Variants in ASIC2 observed in about 807,000 individuals in gnomAD.
ASIC2 encodes the protein acid-sensing ion channel 2.
A neutral mutation model predicts 57.3 loss-of-function variants in ASIC2; 25 were observed. That is an observed-to-expected ratio of 0.44 (90% CI 0.32 to 0.61). ASIC2 has a LOEUF of 0.61. ASIC2 is among the 20% of genes least tolerant of loss of function. The pLI, the probability that ASIC2 is intolerant of heterozygous loss-of-function variation, is 0.06. For synonymous variants in ASIC2, 319 were observed against 307.5 expected (o/e 1.04, Z -0.39); for missense variants, 641 against 738.1 (o/e 0.87, Z 1.52).
At chr17:34,070,202 T>G (rs923336830) in intron 1 of ASIC2, 2 of 152,092 alleles carry the variant, frequency 1.3e-5, no homozygotes, top group Admixed American at 1.3e-4. Flanking sequence ...CGAACAAGTT[T>G]TGCCTTCAAA....
chr17:33,308,889 G>T (rs745683975), intron 1 of ASIC2, among the ~76,000 whole-genome samples: 4 of 152,082 alleles, frequency 2.6e-5, no homozygotes, highest in Non-Finnish European at 5.9e-5. Flanking sequence ...GATAACTATC[G>T]ATCTCCTTTG....
At chr17:33,559,078 G>A (rs746670612) in intron 1 of ASIC2, among the ~76,000 whole-genome samples, 1 of 152,084 alleles carries the variant, frequency 6.6e-6, no homozygotes, top group Non-Finnish European at 1.5e-5. Flanking sequence ...TTATTCTTAA[G>A]GCATGGCTTT....
At chr17:33,288,582 G>C (rs1435740242) in intron 1 of ASIC2, among the ~76,000 whole-genome samples, 1 of 152,144 alleles carries the variant, frequency 6.6e-6, no homozygotes, top group Non-Finnish European at 1.5e-5. Context: ...GACTACTCTG[G>C]CTGTAAAGCA....
At chr17:33,538,354 G>A (rs78094921) in intron 1 of ASIC2, among the ~76,000 whole-genome samples, 3,611 of 152,288 alleles carry the variant, frequency 0.024, 67 homozygotes, top group Non-Finnish European at 0.036. Context: ...TACAGACACG[G>A]CCAGTGGGAG....
intron 1 of ASIC2, among the ~76,000 whole-genome samples, chr17:34,065,983 ATAGGT>A (rs780757947): frequency 1.3e-5 from 2 of 152,156 alleles, no homozygotes; most frequent in Non-Finnish European, 2.9e-5. Flanking sequence ...GTCCACAACA[ATAGGT>A]GACAAAACTG....
chr17:34,010,118 TC>T (rs1218982721), intron 1 of ASIC2, among the ~76,000 whole-genome samples: 8 of 152,184 alleles, frequency 5.3e-5, no homozygotes, highest in African/African-American at 1.7e-4. Flanking sequence ...CTGGTTTTGC[TC>T]CTGGGCTGGT....
At chr17:33,160,163 C>T (rs1905122556) in intron 1 of ASIC2, among the ~76,000 whole-genome samples, 2 of 151,046 alleles carry the variant, frequency 1.3e-5, no homozygotes, top group African/African-American at 2.4e-5. Flanking sequence ...GAGCCAAGAT[C>T]GCACCACTGC....
At chr17:33,098,897 T>C (rs2092196604) in intron 2 of ASIC2, among the ~76,000 whole-genome samples, 1 of 149,980 alleles carries the variant, frequency 6.7e-6, no homozygotes, top group African/African-American at 2.5e-5. Context: ...CTGCTTACAG[T>C]ATATATATAT....
intron 1 of ASIC2, among the ~76,000 whole-genome samples, chr17:33,855,987 A>G (rs1195954159): frequency 6.6e-6 from 1 of 152,214 alleles, no homozygotes; most frequent in Admixed American, 6.5e-5. Flanking sequence ...CACAATTTAA[A>G]AGGAGAAAAG....
At chr17:33,368,892 A>C (rs1908930515) in intron 1 of ASIC2, among the ~76,000 whole-genome samples, 1 of 152,180 alleles carries the variant, frequency 6.6e-6, no homozygotes, top group African/African-American at 2.4e-5. Context: ...CATGGGTACC[A>C]GGTGCTGGAT....
chr17:34,097,766 T>C (rs1021732128), intron 1 of ASIC2, among the ~76,000 whole-genome samples: 1 of 152,204 alleles, frequency 6.6e-6, no homozygotes, highest in Admixed American at 6.5e-5. Context: ...TGCTTTATTA[T>C]GGCAGCCCTA....
intron 1 of ASIC2, among the ~76,000 whole-genome samples, chr17:33,689,428 A>G (rs1170092544): frequency 6.6e-6 from 1 of 152,178 alleles, no homozygotes; most frequent in Non-Finnish European, 1.5e-5. Context: ...GCCAGTACAC[A>G]CTAGACACCA....
intron 1 of ASIC2, among the ~76,000 whole-genome samples, chr17:33,405,483 C>CTT (rs1475137145): frequency 9.0e-6 from 1 of 111,342 alleles, no homozygotes; most frequent in Non-Finnish European, 1.8e-5. Context: ...TTTCTTTTTT[C>CTT]TTTCTTTTTT....
intron 1 of ASIC2, among the ~76,000 whole-genome samples, chr17:33,256,449 T>A (rs903663957): frequency 6.6e-6 from 1 of 151,450 alleles, no homozygotes; most frequent in South Asian, 2.1e-4. Context: ...CCTATTATAT[T>A]TTTTTTACAC....
chr17:33,061,156 T>C (rs573257618), intron 3 of ASIC2, among the ~76,000 whole-genome samples: 5 of 152,302 alleles, frequency 3.3e-5, no homozygotes, highest in Admixed American at 3.3e-4. Flanking sequence ...CCTTTATTTC[T>C]TTATCTTGCC....
intron 1 of ASIC2, among the ~76,000 whole-genome samples, chr17:33,166,833 C>A (rs961532730): frequency 1.3e-5 from 2 of 152,222 alleles, no homozygotes; most frequent in Non-Finnish European, 2.9e-5. Context: ...CAGAGAATGT[C>A]AAATTCAGCT....
intron 1 of ASIC2, among the ~76,000 whole-genome samples, chr17:33,398,920 T>A (rs1440693024): frequency 1.3e-5 from 2 of 152,190 alleles, no homozygotes; most frequent in Non-Finnish European, 2.9e-5. Context: ...AAGGGCCTTG[T>A]TTTCCTCTTT....
chr17:33,358,982 C>G (rs531664327), intron 1 of ASIC2, among the ~76,000 whole-genome samples: 2 of 152,154 alleles, frequency 1.3e-5, no homozygotes, highest in African/African-American at 2.4e-5. Flanking sequence ...AGAAAGGTTC[C>G]TTAAATAGCG....
intron 1 of ASIC2, among the ~76,000 whole-genome samples, chr17:33,269,743 CTTCCTTCT>C (rs1291944987): frequency 0.024 from 2,174 of 89,202 alleles, 173 homozygotes; most frequent in East Asian, 0.09. Context: ...TCCTTCCTTC[CTTCCTTCT>C]TTCCTTCCTT....
Sources: gnomAD v4.1 joint callset for allele counts (sites outside exome capture counted in the v4.1 genomes callset) on GRCh38, gnomAD v4.1.1 for gene constraint, MANE v1.5 for transcripts, NCBI Gene and HGNC (gene_info 2026-07-23, HGNC 2026-07-21) for gene names.